Variants in RPS6KA4 observed in about 807,000 individuals in gnomAD.
The protein encoded by RPS6KA4 is ribosomal protein S6 kinase A4.
RPS6KA4 carries 38 observed loss-of-function variants against 89.6 expected under a neutral mutation model. The observed-to-expected ratio is 0.42, with a 90% CI of 0.33 to 0.56. The LOEUF (loss-of-function observed/expected upper bound fraction) is 0.56, where lower values mean the gene tolerates loss of function less well. RPS6KA4 is among the 20% of genes least tolerant of loss of function. RPS6KA4 has a pLI of 0.07. For synonymous variants in RPS6KA4, 495 were observed against 492.8 expected (o/e 1.00, Z -0.06); for missense variants, 873 against 1,098.8 (o/e 0.79, Z 2.90).
At chr11:64,364,265 G>A (rs2036825445) in intron 8 of RPS6KA4, among the ~76,000 whole-genome samples, 1 of 151,998 alleles carries the variant, frequency 6.6e-6, no homozygotes, top group Non-Finnish European at 1.5e-5. Context: ...TAGGGAGCAG[G>A]AGGAAGGAGA....
chr11:64,364,465 G>T (rs1459621538), intron 8 of RPS6KA4, among the ~76,000 whole-genome samples: 1 of 152,180 alleles, frequency 6.6e-6, no homozygotes, highest in African/African-American at 2.4e-5. Flanking sequence ...AGGAAGACAG[G>T]GAGAATGGAT....
chr11:64,361,118 C>T lies in RPS6KA4; in HGVS notation c.463-16C>T. 1 of 1,610,938 alleles carries T rather than the reference C, an allele frequency of 6.2e-7. No individual in the cohort carries two copies. On this transcript the variant is annotated splice_polypyrimidine_tract_variant and intron_variant, in intron 4 of 16. Coordinates refer to ENST00000334205, the MANE Select transcript of RPS6KA4 (RefSeq NM_003942.3). The surrounding 1 kb of genome is among the most constrained non-coding windows in gnomAD (Gnocchi z 4.7). Reference sequence around the variant, plus strand: ...TTTCGGGGAGGAAGCCTCAGCACCCCTCTTGCTCCTACCAGCTCGGCATCA... The same window carrying T: ...TTTCGGGGAGGAAGCCTCAGCACCCTTCTTGCTCCTACCAGCTCGGCATCA...
chr11:64,367,486 T>A (rs1258845406), intron 9 of RPS6KA4, among the ~76,000 whole-genome samples: 4 of 152,092 alleles, frequency 2.6e-5, no homozygotes, highest in Non-Finnish European at 4.4e-5. Context: ...AATTTTTGTA[T>A]TATTAGTAGA....
chr11:64,365,319 C>A lies in RPS6KA4; in HGVS notation c.925C>A (p.Leu309Met). ...PFFQGLDWVALAARKIPAPFR... is the reference protein window; with the variant it reads ...PFFQGLDWVAMAARKIPAPFR... ...CCCTCAGGGCCTCGATTGGGTGGCT[C>A]TGGCTGCCAGGAAGATTCCAGCCCC... The change falls in exon 9 of 17, where the codon CTG (leucine) becomes ATG (methionine). Residue 309 changes from leucine (L) to methionine (M), a missense_variant. Physicochemically the swap from Leu to Met is conservative, Grantham distance 15 (BLOSUM62 2). Around this residue, in one of 4 missense-constraint regions of RPS6KA4, gnomAD observed 542 missense variants for 736.4 expected, o/e 0.74. Transcript: ENST00000334205. 1 of 1,613,700 alleles carries A rather than the reference C, an allele frequency of 6.2e-7. No individual in the cohort carries two copies. The highest frequency in any genetic ancestry group is 8.5e-7 in the Non-Finnish European group (1 of 1,179,788).
intron 3 of RPS6KA4, 47 bp from the exon 4 acceptor site, chr11:64,360,430 G>A (rs2289573): frequency 0.13 from 201,554 of 1,583,292 alleles, 13,503 homozygotes; most frequent in Middle Eastern, 0.15. Flanking sequence ...GGGGGCAGGC[G>A]AGGCCACCTG....
intron 2 of RPS6KA4, 69 bp from the exon 3 acceptor site, chr11:64,360,094 C>A: frequency 7.0e-7 from 1 of 1,431,734 alleles, no homozygotes; most frequent in South Asian, 1.4e-5. Context: ...TTGGCATCGC[C>A]CCCACCCCCC....
chr11:64,365,979 C>T (rs1038034430), intron 9 of RPS6KA4, among the ~76,000 whole-genome samples: 3 of 151,182 alleles, frequency 2.0e-5, no homozygotes, highest in African/African-American at 4.9e-5. Context: ...GCGGAGGTTG[C>T]GGTGAGCAGA....
At position 64,359,250 on chromosome 11, in the gene RPS6KA4, C is replaced by A; in HGVS notation, c.15C>A (p.Asp5Glu). Residue 5 changes from aspartate to glutamate, a missense_variant, in exon 1 of 17, where the codon GAC becomes GAA. Asp to Glu is a conservative substitution (Grantham distance 45). Around this residue, in one of 4 missense-constraint regions of RPS6KA4, gnomAD observed 49 missense variants for 51.9 expected, o/e 0.94. Transcript: ENST00000334205. MGDE[D>E]DDESCAVELR... is the part of the protein sequence containing the mutation. ...ACCCGCCCGCCATGGGGGACGAGGA[C>A]GACGATGAGAGCTGCGCCGTGGAGC... The A allele has an allele frequency of 2.1e-6, 3 of 1,433,796 alleles. No individual in the cohort carries two copies. The highest frequency in any genetic ancestry group is 1.8e-6 in the Non-Finnish European group (2 of 1,083,470). The allele number at this position is 1,433,796 out of a possible 1,614,324, so 88.8% of individuals were successfully genotyped here. A position where few individuals can be genotyped will look rare whatever the true frequency, so the allele number is the denominator to read the frequency against.
At position 64,365,271 on chromosome 11, in the gene RPS6KA4, G is replaced by A. The variant is rs754916665; in HGVS notation, c.907-30G>A. ...AGGGAGTTTCTCGTTCCTGGCCTTT[G>A]ACACCTGACCTCTGATTCCCTTCCC... is the stretch of plus-strand genomic sequence containing the variant. On this transcript the variant is annotated intron_variant, in intron 8 of 16. Coordinates refer to ENST00000334205, the MANE Select transcript of RPS6KA4 (RefSeq NM_003942.3). 25 of 1,601,442 alleles carry A rather than the reference G, an allele frequency of 1.6e-5. No homozygotes were observed. In the Admixed American group the frequency reaches 4.2e-4, roughly 27 times the overall value.
intron 11 of RPS6KA4, 33 bp downstream of exon 11, chr11:64,368,634 G>T: frequency 6.3e-7 from 1 of 1,581,896 alleles, no homozygotes. Context: ...AGGGGTGGGG[G>T]TGGCAGAGCG....
At position 64,369,452 on chromosome 11, in the gene RPS6KA4, A is replaced by G. The variant is rs2036991969; in HGVS notation, c.1435A>G (p.Thr479Ala). Residue 479 changes from threonine to alanine, a missense_variant, in exon 13 of 17, where the codon ACG (threonine) becomes GCG (alanine). Transcript: ENST00000334205. ...CCCGCCACGCCGCCCGCAGCTGCAC[A>G]CGTACCTGGTCCTGGAGCTGCTGCG... ...LHEVHHDQLH[T>A]YLVLELLRGG... The G allele has an allele frequency of 1.2e-6, 2 of 1,603,760 alleles. No homozygotes were observed. The highest frequency in any genetic ancestry group is 8.5e-7 in the Non-Finnish European group (1 of 1,177,450).
intron 2 of RPS6KA4, 124 bp downstream of exon 2, chr11:64,359,573 C>T (rs1023749570): frequency 3.3e-5 from 34 of 1,025,574 alleles, no homozygotes; most frequent in Non-Finnish European, 4.3e-6. Context: ...CACAGCCTGC[C>T]TTGCCTGCCC....
Position 64,369,871 on chromosome 11 carries a change from T to G in RPS6KA4, c.1775T>G (p.Leu592Arg), listed in dbSNP as rs2135346642. ...CAGGGCTACGACGAGTCCTGCGACC[T>G]CTGGAGCCTGGGCGTCATTCTGGTA... ...AQQGYDESCD[L>R]WSLGVILYMM... Residue 592 changes from leucine to arginine, a missense_variant, in exon 14 of 17, where the codon CTC becomes CGC. Physicochemically the swap from Leu to Arg is moderately radical, Grantham distance 102 (BLOSUM62 -2). Coordinates refer to ENST00000334205, the MANE Select transcript of RPS6KA4 (RefSeq NM_003942.3). 6.4e-7 allele frequency: 1 copy of G among 1,552,976 alleles called. No individual in the cohort carries two copies. Among genetic ancestry groups the G allele is most frequent in the African/African-American group, 1.4e-5 (1 of 73,262 alleles).
chr11:64,360,314 C>G lies in RPS6KA4; in HGVS notation c.279C>G (p.Arg93=). The G allele has an allele frequency of 6.5e-7, 1 of 1,548,988 alleles. No homozygotes were observed. Among genetic ancestry groups the G allele is most frequent in the Non-Finnish European group, 8.7e-7 (1 of 1,146,672 alleles). The change falls in exon 3 of 17, where the codon CGC becomes CGG. Residue 93 remains arginine (R), a synonymous_variant. Coordinates refer to ENST00000334205, the MANE Select transcript of RPS6KA4 (RefSeq NM_003942.3). ...RTERSVLELV[R]QAPFLVTLHY... ...AGCGCTCGGTGCTGGAGCTGGTGCG[C>G]CAGGCGCCCTTCCTGGTCACGCTGC...
At chr11:64,367,601 G>A (rs114987847) in intron 9 of RPS6KA4, among the ~76,000 whole-genome samples, 3 of 152,288 alleles carry the variant, frequency 2.0e-5, no homozygotes, top group East Asian at 1.9e-4. Flanking sequence ...GCAAGCCACC[G>A]TGCCTGGCCA....
chr11:64,371,184 C>G, intron 16 of RPS6KA4, 99 bp from the exon 17 acceptor site: 1 of 1,191,174 alleles, frequency 8.4e-7, no homozygotes, highest in African/African-American at 1.5e-5. Context: ...CGGCCTTGAC[C>G]TAGGCGGCTG....
rs778915574 is a variant in RPS6KA4 at position 64,369,626 on chromosome 11, G to T, written c.1602+7G>T. The T allele has an allele frequency of 3.7e-6, 6 of 1,602,732 alleles. No homozygotes were observed. Among genetic ancestry groups the T allele is most frequent in the Non-Finnish European group, 5.1e-6 (6 of 1,174,648 alleles). On this transcript the variant is annotated splice_region_variant and intron_variant, in intron 13 of 16. Coordinates refer to ENST00000334205, the MANE Select transcript of RPS6KA4 (RefSeq NM_003942.3). ...CCGCGACCTCAAGCCGGAGGTGGGC[G>T]AGCTGCCTCGGCGGCGGGGCGGAGC...
chr11:64,361,537 G>T lies in RPS6KA4; in HGVS notation c.639G>T (p.Thr213=), dbSNP rs375270687. ...CCCCCGAAATCATCCGTAGCAAGAC[G>T]GGGCATGGCAAGGTAGGTTGGCAGG... ...YMAPEIIRSK[T]GHGKAVDWWS... The change falls in exon 6 of 17, where the codon ACG becomes ACT. Residue 213 remains threonine (T), a synonymous_variant. Coordinates refer to ENST00000334205, the MANE Select transcript of RPS6KA4 (RefSeq NM_003942.3). The surrounding 1 kb of genome is among the most constrained non-coding windows in gnomAD (Gnocchi z 4.7). 5 of 1,614,038 alleles carry T rather than the reference G, an allele frequency of 3.1e-6. No homozygotes were observed. The African/African-American group carries it at 5.3e-5, about 17-fold the overall frequency.
At chr11:64,360,102 C>A (rs1014247374) in intron 2 of RPS6KA4, 61 bp from the exon 3 acceptor site, 19 of 1,478,634 alleles carry the variant, frequency 1.3e-5, no homozygotes, top group South Asian at 2.6e-5. Flanking sequence ...GCCCCCACCC[C>A]CCAAGCCTGC....
Sources: gnomAD v4.1 joint callset for allele counts (sites outside exome capture counted in the v4.1 genomes callset) on GRCh38, gnomAD v4.1.1 for gene constraint, gnomAD v4.1.1 regional missense constraint, Gnocchi (gnomAD v3.1) non-coding constraint, MANE v1.5 for transcripts, NCBI Gene and HGNC (gene_info 2026-07-23, HGNC 2026-07-21) for gene names.